The following SSBP2 variants were observed in gnomAD, a reference collection of about 807,000 sequenced individuals.
SSBP2 encodes single-stranded DNA-binding protein 2.
Under a neutral mutation model 61.8 loss-of-function variants are expected in SSBP2, and 17 were observed. That is an observed-to-expected ratio of 0.28 (90% CI 0.19 to 0.41). SSBP2 has a LOEUF of 0.41. SSBP2 is among the 10% of genes least tolerant of loss of function. The pLI, the probability that SSBP2 is intolerant of heterozygous loss-of-function variation, is 1.00. For missense variants in SSBP2, 310 were observed against 458.7 expected, an observed-to-expected ratio of 0.68 and a Z score of 2.96; for synonymous variants, 139 against 141.3, an observed-to-expected ratio of 0.98 and a Z score of 0.12.
At chr5:81,662,937 AT>A (rs564475734) in intron 1 of SSBP2, among the ~76,000 whole-genome samples, 46 of 152,240 alleles carry the variant, frequency 3.0e-4, no homozygotes, top group Non-Finnish European at 6.0e-4. Context: ...CAGATGAACT[AT>A]TTAACTAATT....
intron 1 of SSBP2, among the ~76,000 whole-genome samples, chr5:81,652,943 C>CT (rs780568774): frequency 0.013 from 1,876 of 144,584 alleles, 16 homozygotes; most frequent in Middle Eastern, 0.047. Flanking sequence ...CACTGTATCA[C>CT]TTTTTTTTTT....
At chr5:81,459,108 G>A (rs927807053) in intron 10 of SSBP2, among the ~76,000 whole-genome samples, 3 of 152,144 alleles carry the variant, frequency 2.0e-5, no homozygotes, top group Non-Finnish European at 4.4e-5. Context: ...AGTTTGATGT[G>A]TACAGCTTTT....
At chr5:81,495,732 AAT>A (rs1767225069) in intron 5 of SSBP2, among the ~76,000 whole-genome samples, 1 of 152,222 alleles carries the variant, frequency 6.6e-6, no homozygotes, top group Admixed American at 6.5e-5. Flanking sequence ...TTGATGTAGC[AAT>A]ATATAAGTCA....
intron 15 of SSBP2, among the ~76,000 whole-genome samples, chr5:81,434,572 T>G (rs1452461732): frequency 7.7e-6 from 1 of 130,412 alleles, no homozygotes; most frequent in Non-Finnish European, 1.5e-5. Context: ...GAGGTTGCGG[T>G]GAGCCGAGGA....
At chr5:81,494,347 A>C (rs762393010) in intron 5 of SSBP2, among the ~76,000 whole-genome samples, 3 of 152,264 alleles carry the variant, frequency 2.0e-5, no homozygotes, top group Non-Finnish European at 4.4e-5. Context: ...TTATAGGTAT[A>C]AATTCTCATT....
At chr5:81,599,760 T>C (rs796963059) in intron 4 of SSBP2, among the ~76,000 whole-genome samples, 2 of 152,244 alleles carry the variant, frequency 1.3e-5, no homozygotes, top group African/African-American at 2.4e-5. Context: ...CTGGCCGTTA[T>C]AGCAGGTAGT....
chr5:81,745,590 A>C (rs980436862), intron 1 of SSBP2, among the ~76,000 whole-genome samples: 3 of 152,076 alleles, frequency 2.0e-5, no homozygotes, highest in African/African-American at 7.2e-5. Flanking sequence ...GCAAATATAT[A>C]ATCTGTAATT....
At chr5:81,632,498 G>C (rs1747818742) in intron 3 of SSBP2, among the ~76,000 whole-genome samples, 1 of 152,128 alleles carries the variant, frequency 6.6e-6, no homozygotes, top group Admixed American at 6.5e-5. Flanking sequence ...GGACATATAA[G>C]GAACAGTATT....
intron 6 of SSBP2, among the ~76,000 whole-genome samples, chr5:81,488,247 T>C (rs189273467): frequency 1.9e-3 from 289 of 151,566 alleles, no homozygotes; most frequent in African/African-American, 6.7e-3. Context: ...TGAAATGGGA[T>C]TGCTGTATCG....
chr5:81,747,070 C>T (rs1157490671), intron 1 of SSBP2, among the ~76,000 whole-genome samples: 1 of 145,266 alleles, frequency 6.9e-6, no homozygotes, highest in African/African-American at 2.5e-5. Context: ...TTATGTTAGG[C>T]TTCCAACTTT....
intron 1 of SSBP2, among the ~76,000 whole-genome samples, chr5:81,685,425 T>G (rs557051442): frequency 1.3e-5 from 2 of 152,224 alleles, no homozygotes; most frequent in East Asian, 1.9e-4. Flanking sequence ...CTGTGGCACA[T>G]GTAAGATATG....
intron 1 of SSBP2, among the ~76,000 whole-genome samples, chr5:81,741,898 T>C (rs1185332973): frequency 6.6e-6 from 1 of 152,342 alleles, no homozygotes; most frequent in East Asian, 1.9e-4. Flanking sequence ...ATCTAATCTA[T>C]GATTCTCTGT....
intron 6 of SSBP2, among the ~76,000 whole-genome samples, chr5:81,485,748 C>T (rs529628948): frequency 7.9e-5 from 12 of 152,088 alleles, no homozygotes; most frequent in South Asian, 2.1e-4. Context: ...TGGGCTCAGG[C>T]GATTCTCCTG....
chr5:81,488,065 A>AGGTGTGTGTGTGT (rs1459885301), intron 6 of SSBP2, among the ~76,000 whole-genome samples: 2 of 97,314 alleles, frequency 2.1e-5, no homozygotes, highest in Non-Finnish European at 4.8e-5. Flanking sequence ...ATATAAATAA[A>AGGTGTGTGTGTGT]ATATCATATA....
chr5:81,693,373 A>C (rs940550085), intron 1 of SSBP2, among the ~76,000 whole-genome samples: 14 of 152,184 alleles, frequency 9.2e-5, no homozygotes, highest in Non-Finnish European at 1.2e-4. Context: ...GACACACTGA[A>C]CAAAGTTAAA....
At chr5:81,743,301 G>A (rs1757150932) in intron 1 of SSBP2, among the ~76,000 whole-genome samples, 1 of 152,098 alleles carries the variant, frequency 6.6e-6, no homozygotes, top group Admixed American at 6.6e-5. Flanking sequence ...AGACATGCCT[G>A]AAATACTGTA....
At chr5:81,592,354 G>A (rs1187669691) in intron 4 of SSBP2, among the ~76,000 whole-genome samples, 1 of 152,230 alleles carries the variant, frequency 6.6e-6, no homozygotes, top group African/African-American at 2.4e-5. Context: ...AGCTCAAACT[G>A]GGTGGAGCCC....
At chr5:81,661,047 A>T (rs1039813127) in intron 1 of SSBP2, among the ~76,000 whole-genome samples, 4 of 152,126 alleles carry the variant, frequency 2.6e-5, no homozygotes, top group African/African-American at 9.7e-5. Context: ...TAGGACTAAT[A>T]CCTAATGAAT....
At chr5:81,586,239 G>A (rs1420269158) in intron 4 of SSBP2, among the ~76,000 whole-genome samples, 5 of 152,076 alleles carry the variant, frequency 3.3e-5, no homozygotes, top group Non-Finnish European at 7.4e-5. Context: ...CATAATGACT[G>A]TACTAATTTT....
Sources: allele counts gnomAD v4.1 joint callset (sites outside exome capture counted in the v4.1 genomes callset), GRCh38; gene constraint gnomAD v4.1.1; transcripts MANE v1.5; gene names NCBI Gene and HGNC (gene_info 2026-07-23, HGNC 2026-07-21).